CPA6: variants seen among roughly 807,000 people sequenced by gnomAD.
The protein encoded by CPA6 is carboxypeptidase A6, also known as carboxypeptidase B.
Under a neutral mutation model 63.3 loss-of-function variants are expected in CPA6, and 58 were observed. The observed-to-expected ratio is 0.92, with a 90% confidence interval of 0.74 to 1.14. The LOEUF (loss-of-function observed/expected upper bound fraction) is 1.14, where lower values mean the gene tolerates loss of function less well. Among genes scored for constraint, CPA6 ranks in the 50% most tolerant of loss-of-function variants. The pLI is 0.00. For missense variants in CPA6, 565 were observed against 526.6 expected, an observed-to-expected ratio of 1.07 and a Z score of -0.71; for synonymous variants, 185 against 179.0, an observed-to-expected ratio of 1.03 and a Z score of -0.27.
chr8:67,543,726 C>T (rs903459159), intron 2 of CPA6, among the ~76,000 whole-genome samples: 10 of 152,086 alleles, frequency 6.6e-5, no homozygotes, highest in Middle Eastern at 6.8e-3. Context: ...CATCTCCAGA[C>T]CTTTTTCATT....
chr8:67,442,073 TAAAG>T (rs1484876810), intron 8 of CPA6, among the ~76,000 whole-genome samples: 1 of 152,082 alleles, frequency 6.6e-6, no homozygotes, highest in African/African-American at 2.4e-5. Flanking sequence ...CAAGGAAATA[TAAAG>T]AAACACAAAT....
At chr8:67,628,839 G>A (rs949279047) in intron 1 of CPA6, among the ~76,000 whole-genome samples, 6 of 152,302 alleles carry the variant, frequency 3.9e-5, no homozygotes, top group South Asian at 4.1e-4. Context: ...TCACCAGGCC[G>A]TGTGCAGTGG....
chr8:67,457,147 A>G (rs1018059210), intron 8 of CPA6, among the ~76,000 whole-genome samples: 5 of 152,246 alleles, frequency 3.3e-5, no homozygotes, highest in African/African-American at 1.2e-4. Context: ...AATGGGGCAC[A>G]AATAAGCTTT....
chr8:67,565,172 T>C (rs13280343), intron 2 of CPA6, among the ~76,000 whole-genome samples: 9 of 113,000 alleles, frequency 8.0e-5, no homozygotes, highest in Admixed American at 1.7e-4. Context: ...TTTTCTTTCT[T>C]TTTTTTTTTT....
intron 1 of CPA6, among the ~76,000 whole-genome samples, chr8:67,703,468 A>C (rs953992015): frequency 2.0e-5 from 3 of 152,150 alleles, no homozygotes; most frequent in Non-Finnish European, 4.4e-5. Flanking sequence ...CACACCACTT[A>C]TTCTCTGGTT....
At chr8:67,707,148 G>A (rs1175002943) in intron 1 of CPA6, among the ~76,000 whole-genome samples, 1 of 152,096 alleles carries the variant, frequency 6.6e-6, no homozygotes, top group Non-Finnish European at 1.5e-5. Flanking sequence ...TCAGATATAG[G>A]ACTCTAACAG....
intron 2 of CPA6, among the ~76,000 whole-genome samples, chr8:67,537,463 T>C (rs1467571851): frequency 6.6e-6 from 1 of 152,240 alleles, no homozygotes; most frequent in Non-Finnish European, 1.5e-5. Context: ...TCTTGTAGAT[T>C]TTCTAGCTTA....
At chr8:67,657,517 T>C (rs1388958893) in intron 1 of CPA6, among the ~76,000 whole-genome samples, 1 of 152,176 alleles carries the variant, frequency 6.6e-6, no homozygotes, top group East Asian at 1.9e-4. Context: ...AATGATAAAT[T>C]GTTCAACCCA....
intron 6 of CPA6, among the ~76,000 whole-genome samples, chr8:67,486,263 T>A (rs1468667087): frequency 6.6e-6 from 1 of 152,266 alleles, no homozygotes; most frequent in Admixed American, 6.5e-5. Flanking sequence ...ATACACTATA[T>A]AACTATGTTT....
At chr8:67,654,056 A>C (rs1416281352) in intron 1 of CPA6, among the ~76,000 whole-genome samples, 1 of 152,110 alleles carries the variant, frequency 6.6e-6, no homozygotes, top group African/African-American at 2.4e-5. Context: ...ACTGATTTGC[A>C]TATATTGAAC....
chr8:67,615,334 A>C (rs919822278), intron 2 of CPA6, among the ~76,000 whole-genome samples: 10 of 152,240 alleles, frequency 6.6e-5, no homozygotes, highest in African/African-American at 2.4e-4. Context: ...TCAGTCACCA[A>C]GAAGTGCCAT....
chr8:67,687,855 A>G (rs1021743335), intron 1 of CPA6, among the ~76,000 whole-genome samples: 13 of 152,188 alleles, frequency 8.5e-5, no homozygotes, highest in Non-Finnish European at 8.8e-5. Flanking sequence ...AACAATGTAA[A>G]CTAAAGCACG....
chr8:67,466,084 G>GTTTT (rs561313512), intron 8 of CPA6, among the ~76,000 whole-genome samples: 9 of 96,028 alleles, frequency 9.4e-5, no homozygotes, highest in Admixed American at 2.1e-4. Flanking sequence ...TCTGAGGCTT[G>GTTTT]TTTTTTTTTT....
chr8:67,730,676 A>C (rs982721188), intron 1 of CPA6, among the ~76,000 whole-genome samples: 1 of 152,226 alleles, frequency 6.6e-6, no homozygotes, highest in Non-Finnish European at 1.5e-5. Context: ...ACAAAAAGAC[A>C]CATCACTTTG....
chr8:67,662,578 C>T lies in CPA6; in HGVS notation c.117-38327G>A, dbSNP rs986794658. On this transcript the variant is annotated intron_variant, in intron 1 of 10. Transcript: ENST00000297770. ...TATATGTATATATAGAATACATACA[C>T]ATGTATATGTATATATAGAATACAT... Among the ~76,000 whole-genome samples the T allele has an allele frequency of 3.3e-4, 39 of 117,126 alleles. 1 individual carries two copies. Among genetic ancestry groups the T allele is most frequent in the East Asian group, 3.0e-3 (13 of 4,368 alleles). 76.8% of individuals were successfully genotyped at this position (117,126 alleles called of 152,430 possible).
chr8:67,574,572 T>C (rs1813574767), intron 2 of CPA6, among the ~76,000 whole-genome samples: 1 of 152,050 alleles, frequency 6.6e-6, no homozygotes, highest in South Asian at 2.1e-4. Flanking sequence ...ACAGAAATCA[T>C]AGAAATGAAT....
intron 1 of CPA6, among the ~76,000 whole-genome samples, chr8:67,631,779 A>G (rs1815337635): frequency 6.6e-6 from 1 of 152,184 alleles, no homozygotes; most frequent in Admixed American, 6.5e-5. Context: ...GAAGATCTGC[A>G]GCTTCACTCC....
intron 2 of CPA6, among the ~76,000 whole-genome samples, chr8:67,599,696 A>G (rs1334477232): frequency 6.6e-6 from 1 of 152,196 alleles, no homozygotes; most frequent in Admixed American, 6.5e-5. Context: ...AAGAGTGTTT[A>G]AAGGTTTATG....
chr8:67,454,906 C>T (rs1810635928), intron 8 of CPA6, among the ~76,000 whole-genome samples: 1 of 152,018 alleles, frequency 6.6e-6, no homozygotes, highest in Non-Finnish European at 1.5e-5. Flanking sequence ...CAAGACAATG[C>T]CGGATATAAT....
Sources: allele counts gnomAD v4.1 joint callset (sites outside exome capture counted in the v4.1 genomes callset), GRCh38; gene constraint gnomAD v4.1.1; transcripts MANE v1.5; gene names NCBI Gene and HGNC (gene_info 2026-07-23, HGNC 2026-07-21).